Variants in OTUD7A observed in about 807,000 individuals in gnomAD.
The protein encoded by OTUD7A is OTU domain-containing protein 7A.
In OTUD7A, 12 loss-of-function variants were observed where a neutral mutation model predicts 65.7. That is an observed-to-expected ratio of 0.18 (90% CI 0.12 to 0.30). The LOEUF (loss-of-function observed/expected upper bound fraction) is 0.30. Ranked by LOEUF, OTUD7A falls within the 10% of genes least tolerant of loss-of-function variation. The pLI is 1.00. For synonymous variants in OTUD7A, 641 were observed against 586.3 expected, an observed-to-expected ratio of 1.09 and a Z score of -1.35; for missense variants, 1,148 against 1,304.8, an observed-to-expected ratio of 0.88 and a Z score of 1.85.
At chr15:31,601,133 C>G (rs1595644453) in intron 3 of OTUD7A, among the ~76,000 whole-genome samples, 2 of 152,286 alleles carry the variant, frequency 1.3e-5, no homozygotes, top group Middle Eastern at 3.4e-3. Flanking sequence ...ACAGAACTCT[C>G]CACCCCAAAT....
chr15:31,570,294 C>T, intron 3 of OTUD7A, 97 bp from the exon 4 acceptor site: 1 of 1,352,526 alleles, frequency 7.4e-7, no homozygotes, highest in Admixed American at 2.2e-5. Context: ...CCCATTAGGA[C>T]ATAAACTAAT....
chr15:31,766,269 T>C, intron 1 of OTUD7A: 1 of 1,599,292 alleles, frequency 6.3e-7, no homozygotes. Context: ...ACCCATTGCA[T>C]CATGAAGTTT....
intron 5 of OTUD7A, chr15:31,556,402 A>G (rs1888496769): frequency 6.6e-6 from 1 of 152,198 alleles, no homozygotes; most frequent in East Asian, 1.9e-4. Context: ...CAACATAAAC[A>G]ATGAGCTATT....
chr15:31,714,675 T>A (rs1291972126), intron 1 of OTUD7A, among the ~76,000 whole-genome samples: 1 of 152,226 alleles, frequency 6.6e-6, no homozygotes, highest in Non-Finnish European at 1.5e-5. Flanking sequence ...CTTTTCCAAA[T>A]TCTGTCAGCA....
intron 3 of OTUD7A, among the ~76,000 whole-genome samples, chr15:31,600,725 G>A (rs1206146622): frequency 1.3e-5 from 2 of 152,108 alleles, no homozygotes; most frequent in African/African-American, 4.8e-5. Flanking sequence ...CATCTCACAT[G>A]CAAAGACACA....
chr15:31,546,396 G>C (rs1156821985), intron 5 of OTUD7A, among the ~76,000 whole-genome samples: 3 of 152,192 alleles, frequency 2.0e-5, no homozygotes, highest in Non-Finnish European at 4.4e-5. Flanking sequence ...CTTCAAGGAA[G>C]TAATTTAAAT....
chr15:31,812,986 C>T (rs1351153249), intron 1 of OTUD7A, among the ~76,000 whole-genome samples: 1 of 152,244 alleles, frequency 6.6e-6, no homozygotes, highest in African/African-American at 2.4e-5. Context: ...TATTCTCCCT[C>T]AGGATGGATT....
intron 3 of OTUD7A, among the ~76,000 whole-genome samples, chr15:31,647,497 C>T (rs1891711268): frequency 6.6e-6 from 1 of 152,230 alleles, no homozygotes; most frequent in Non-Finnish European, 1.5e-5. Flanking sequence ...GAAACTTCTT[C>T]CTCCAGACAT....
chr15:31,707,980 C>T lies in OTUD7A; in HGVS notation c.-99-50903G>A, dbSNP rs143700044. ...AAAGAGATTGGGAGAAACTTCCAACCCATCTGACCAAAAGTTAGAGTTCCT... is the reference window on the plus strand; with the variant it reads ...AAAGAGATTGGGAGAAACTTCCAACTCATCTGACCAAAAGTTAGAGTTCCT... On this transcript the variant is annotated intron_variant, in intron 1 of 12. Transcript: ENST00000307050. Among the ~76,000 whole-genome samples the T allele has an allele frequency of 8.8e-4, 133 of 151,822 alleles. 3 individuals are homozygous for T. Among genetic ancestry groups the T allele is most frequent in the African/African-American group, 3.1e-3 (129 of 41,266 alleles).
At chr15:31,494,978 T>A (rs7181294) in intron 10 of OTUD7A, among the ~76,000 whole-genome samples, 7,648 of 152,158 alleles carry the variant, frequency 0.05, 648 homozygotes, top group African/African-American at 0.18. Flanking sequence ...GGGGCCCTCA[T>A]TTGGGAATCA....
rs1389594463 is a variant in OTUD7A at position 31,767,916 on chromosome 15, C to T, written c.-100+102591G>A. The stretch of plus-strand genomic sequence containing the variant: ...GGAAATCTGAAGAGCTGGTTGTTAT[C>T]ATCAACATTTTCTGATCCCCACCTC... On this transcript the variant is annotated intron_variant, in intron 1 of 12. Transcript: ENST00000307050. The T allele has an allele frequency of 7.9e-6, 12 of 1,520,586 alleles. No individual in the cohort carries two copies. In the African/African-American group the frequency reaches 1.4e-4, roughly 17 times the overall value. The allele number at this position is 1,520,586 out of a possible 1,614,324, so 94.2% of individuals were successfully genotyped here. A position where few individuals can be genotyped will look rare whatever the true frequency, so the allele number is the denominator to read the frequency against.
Position 31,483,801 on chromosome 15 carries a change from C to A in OTUD7A, c.2295G>T (p.Val765=). The A allele has an allele frequency of 9.8e-7, 1 of 1,024,110 alleles. No homozygotes were observed. Among genetic ancestry groups the A allele is most frequent in the Non-Finnish European group, 1.2e-6 (1 of 857,740 alleles). 63.4% of individuals were successfully genotyped at this position (1,024,110 alleles called of 1,614,324 possible). ...GARRASASGP[V]PGRSPPAPAR... is the part of the protein sequence containing the mutation. ...CTGGCGCCGGGGGGCTGCGGCCAGG[C>A]ACTGGTCCGCTGGCGCTCGCACGCC... Residue 765 remains valine, a synonymous_variant, in exon 13 of 13, where the codon GTG becomes GTT. Coordinates refer to ENST00000307050, the MANE Select transcript of OTUD7A (RefSeq NM_001382637.1).
chr15:31,596,718 G>A (rs1457397601), intron 3 of OTUD7A, among the ~76,000 whole-genome samples: 1 of 151,508 alleles, frequency 6.6e-6, no homozygotes, highest in Admixed American at 6.6e-5. Context: ...ATTTCTATTT[G>A]CCTGATGACT....
intron 1 of OTUD7A, among the ~76,000 whole-genome samples, chr15:31,724,401 A>T (rs1893827923): frequency 6.6e-6 from 1 of 152,224 alleles, no homozygotes; most frequent in Admixed American, 6.5e-5. Flanking sequence ...TCTGGAAGTA[A>T]CATTTGCAAA....
At chr15:31,743,205 TC>T (rs1476026049) in intron 1 of OTUD7A, among the ~76,000 whole-genome samples, 1 of 152,020 alleles carries the variant, frequency 6.6e-6, no homozygotes, top group Non-Finnish European at 1.5e-5. Context: ...CATATGCTGA[TC>T]CACCAAACAT....
At chr15:31,508,643 C>G (rs940155807) in intron 8 of OTUD7A, among the ~76,000 whole-genome samples, 1 of 152,250 alleles carries the variant, frequency 6.6e-6, no homozygotes, top group African/African-American at 2.4e-5. Context: ...TGAGGCACTG[C>G]GCCAGGCAAG....
At chr15:31,828,135 T>C (rs1896843449) in intron 1 of OTUD7A, among the ~76,000 whole-genome samples, 1 of 152,156 alleles carries the variant, frequency 6.6e-6, no homozygotes, top group African/African-American at 2.4e-5. Flanking sequence ...CTTTCCTCCA[T>C]CTCACTCGCT....
At chr15:31,570,231 GA>G (rs751706645) in intron 3 of OTUD7A, 34 bp from the exon 4 acceptor site, 1 of 1,605,038 alleles carries the variant, frequency 6.2e-7, no homozygotes, top group South Asian at 1.1e-5. Flanking sequence ...GTGACAATAC[GA>G]ACGCATGAAT....
At chr15:31,532,486 T>C (rs1023288249) in intron 5 of OTUD7A, among the ~76,000 whole-genome samples, 3 of 150,754 alleles carry the variant, frequency 2.0e-5, no homozygotes, top group Non-Finnish European at 3.0e-5. Context: ...AATGTAAAGG[T>C]ATAACATAGA....
Sources: allele counts gnomAD v4.1 joint callset (sites outside exome capture counted in the v4.1 genomes callset), GRCh38; gene constraint gnomAD v4.1.1; transcripts MANE v1.5; gene names NCBI Gene and HGNC (gene_info 2026-07-23, HGNC 2026-07-21).